The following TMEM132D variants were observed in gnomAD, a reference collection of about 807,000 sequenced individuals.
TMEM132D encodes transmembrane protein 132D.
TMEM132D carries 21 observed loss-of-function variants against 62.3 expected under a neutral mutation model. The observed-to-expected ratio is 0.34, with a 90% CI of 0.24 to 0.49. The LOEUF is 0.49. Among genes scored for constraint, TMEM132D ranks in the 20% least tolerant of loss-of-function variants. TMEM132D has a pLI of 0.99. For missense variants in TMEM132D, 1,346 were observed against 1,402.8 expected (o/e 0.96, Z 0.65); for synonymous variants, 621 against 575.6 (o/e 1.08, Z -1.13).
chr12:129,075,738 G>A lies in TMEM132D; in HGVS notation c.2116-679C>T, dbSNP rs1452532864. Among the ~76,000 whole-genome samples, 3 of 152,332 alleles carry A rather than the reference G, an allele frequency of 2.0e-5. 1 individual carries two copies. The highest frequency in any genetic ancestry group is 4.1e-4 in the South Asian group (2 of 4,828). On this transcript the variant is annotated intron_variant, in intron 8 of 8. Coordinates refer to ENST00000422113, the MANE Select transcript of TMEM132D (RefSeq NM_133448.3). ...ATCTCTTCCTCCACCCAACCCAACT[G>A]GAGGAAACTGGAAGACCAAAAAGCA...
intron 3 of TMEM132D, among the ~76,000 whole-genome samples, chr12:129,449,515 T>C (rs978970345): frequency 2.6e-5 from 4 of 152,186 alleles, no homozygotes; most frequent in African/African-American, 9.7e-5. Context: ...CTTCAGATTT[T>C]TGTAGTTCTC....
At chr12:129,275,188 G>A (rs4759995) in intron 4 of TMEM132D, among the ~76,000 whole-genome samples, 45,957 of 151,970 alleles carry the variant, frequency 0.3, 7,873 homozygotes, top group Non-Finnish European at 0.39. Context: ...ACTGAGGCAG[G>A]AGGATCACTT....
intron 4 of TMEM132D, among the ~76,000 whole-genome samples, chr12:129,248,399 C>A (rs2135588762): frequency 6.6e-6 from 1 of 152,256 alleles, no homozygotes. Flanking sequence ...ACAACGGTAA[C>A]ACTAATGGAT....
At chr12:129,686,965 G>A (rs542375452) in intron 2 of TMEM132D, among the ~76,000 whole-genome samples, 1 of 152,110 alleles carries the variant, frequency 6.6e-6, no homozygotes, top group African/African-American at 2.4e-5. Flanking sequence ...CAATCAAATG[G>A]GTATAAAAAT....
chr12:129,273,195 C>CCAAA lies in TMEM132D; in HGVS notation c.1300-63536_1300-63533dup, dbSNP rs144669422. Among the ~76,000 whole-genome samples, 544 of 151,332 alleles carry CCAAA rather than the reference C, an allele frequency of 3.6e-3. 6 individuals are homozygous for CCAAA. Among genetic ancestry groups the CCAAA allele is most frequent in the Middle Eastern group, 0.017 (5 of 292 alleles). ...TGGGTGACAGAGTGAGATTCTGTTT[C>CCAAA]CAAACAAACAAACAAACAAACAAAC... is the stretch of plus-strand genomic sequence containing the variant. On this transcript the variant is annotated intron_variant, in intron 4 of 8. Coordinates refer to ENST00000422113, the MANE Select transcript of TMEM132D (RefSeq NM_133448.3).
intron 3 of TMEM132D, among the ~76,000 whole-genome samples, chr12:129,464,415 G>A (rs1873810619): frequency 2.6e-5 from 4 of 151,950 alleles, no homozygotes; most frequent in Admixed American, 6.6e-5. Flanking sequence ...CTCCCATTTT[G>A]TAGGTTGCCT....
intron 4 of TMEM132D, among the ~76,000 whole-genome samples, chr12:129,312,640 G>T (rs1882003746): frequency 6.6e-6 from 1 of 152,086 alleles, no homozygotes; most frequent in South Asian, 2.1e-4. Flanking sequence ...CACAATCTCG[G>T]CTCACTGCAA....
intron 1 of TMEM132D, among the ~76,000 whole-genome samples, chr12:129,841,164 A>C (rs141066616): frequency 3.3e-5 from 5 of 152,280 alleles, no homozygotes; most frequent in African/African-American, 1.2e-4. Flanking sequence ...TATATACATA[A>C]TTCTACTTTT....
chr12:129,850,447 G>C (rs542036529), intron 1 of TMEM132D, among the ~76,000 whole-genome samples: 1 of 152,332 alleles, frequency 6.6e-6, no homozygotes, highest in Non-Finnish European at 1.5e-5. Flanking sequence ...AACATGTTAA[G>C]GGGATGTGGG....
At chr12:129,165,626 C>A (rs11611914) in intron 5 of TMEM132D, among the ~76,000 whole-genome samples, 55,304 of 151,780 alleles carry the variant, frequency 0.36, 10,318 homozygotes, top group South Asian at 0.46. Context: ...TGGAAATTGA[C>A]CAGTATTAAA....
chr12:129,517,265 T>G (rs1016268), intron 3 of TMEM132D, among the ~76,000 whole-genome samples: 86,073 of 151,954 alleles, frequency 0.57, 25,005 homozygotes, highest in East Asian at 0.9. Flanking sequence ...GATATTTTTT[T>G]TACTTACCCT....
intron 2 of TMEM132D, among the ~76,000 whole-genome samples, chr12:129,546,321 T>C (rs1416363642): frequency 2.6e-5 from 4 of 152,238 alleles, no homozygotes; most frequent in Admixed American, 1.3e-4. Flanking sequence ...GATTCATTCC[T>C]GAAACCCTGT....
At chr12:129,720,494 G>C (rs1405817946) in intron 1 of TMEM132D, among the ~76,000 whole-genome samples, 3 of 152,170 alleles carry the variant, frequency 2.0e-5, no homozygotes, top group African/African-American at 7.2e-5. Flanking sequence ...AAATTCTTCT[G>C]ATTGAATTAC....
intron 2 of TMEM132D, among the ~76,000 whole-genome samples, chr12:129,581,979 C>A (rs781328420): frequency 1.3e-5 from 2 of 152,242 alleles, no homozygotes; most frequent in Non-Finnish European, 2.9e-5. Flanking sequence ...AACACCATCA[C>A]TACCCACAGC....
intron 2 of TMEM132D, among the ~76,000 whole-genome samples, chr12:129,588,631 G>A (rs926559047): frequency 2.0e-5 from 3 of 151,796 alleles, no homozygotes; most frequent in Non-Finnish European, 2.9e-5. Flanking sequence ...CTGGAGTGCA[G>A]TGGCGCCATC....
intron 3 of TMEM132D, among the ~76,000 whole-genome samples, chr12:129,519,055 T>C (rs560133512): frequency 6.6e-6 from 1 of 152,312 alleles, no homozygotes; most frequent in South Asian, 2.1e-4. Context: ...GTTTTGGCTT[T>C]TACATGTTAA....
At chr12:129,101,024 C>A (rs1875288215) in intron 5 of TMEM132D, among the ~76,000 whole-genome samples, 1 of 151,906 alleles carries the variant, frequency 6.6e-6, no homozygotes, top group South Asian at 2.1e-4. Flanking sequence ...CAGTTGATGG[C>A]AGGGTCTAAG....
intron 2 of TMEM132D, among the ~76,000 whole-genome samples, chr12:129,676,172 T>C (rs1465373024): frequency 6.6e-6 from 1 of 152,070 alleles, no homozygotes; most frequent in Non-Finnish European, 1.5e-5. Context: ...TTTCAGGCAG[T>C]GTTAAGCTCT....
intron 1 of TMEM132D, among the ~76,000 whole-genome samples, chr12:129,762,209 ATTCTG>A (rs766016815): frequency 1.2e-4 from 18 of 152,074 alleles, no homozygotes; most frequent in Admixed American, 6.5e-4. Context: ...TGAGCTGCCT[ATTCTG>A]TTATTTGCAA....
Sources: allele counts gnomAD v4.1 joint callset (sites outside exome capture counted in the v4.1 genomes callset), GRCh38; gene constraint gnomAD v4.1.1; transcripts MANE v1.5; gene names NCBI Gene and HGNC (gene_info 2026-07-23, HGNC 2026-07-21).